MORC1: variants seen among roughly 807,000 people sequenced by gnomAD.
MORC1 encodes the protein MORC family CW-type zinc finger 1, also known as MORC family CW-type zinc finger protein 1.
A neutral mutation model predicts 134.9 loss-of-function variants in MORC1; 59 were observed. The ratio of observed to expected loss-of-function variants is 0.44; its 90% confidence interval spans 0.35 to 0.54. The LOEUF (loss-of-function observed/expected upper bound fraction) is 0.54, where lower values mean the gene tolerates loss of function less well. MORC1 is among the 20% of genes least tolerant of loss of function. The pLI is 0.00. For missense variants in MORC1, 947 were observed against 1,134.5 expected (o/e 0.83, Z 2.37); for synonymous variants, 395 against 391.7 (o/e 1.01, Z -0.10).
chr3:108,986,992 G>T (rs1947912320), intron 21 of MORC1, 43 bp from the exon 22 acceptor site: 1 of 1,433,886 alleles, frequency 7.0e-7, no homozygotes, highest in Non-Finnish European at 9.4e-7. Flanking sequence ...AAAAACATAG[G>T]ACATATTATA....
chr3:109,112,370 T>C (rs1377556713), intron 2 of MORC1, among the ~76,000 whole-genome samples: 1 of 152,194 alleles, frequency 6.6e-6, no homozygotes, highest in Non-Finnish European at 1.5e-5. Flanking sequence ...CATTAAAATA[T>C]TGAATACAAT....
chr3:108,984,184 G>A (rs958822574), intron 23 of MORC1, among the ~76,000 whole-genome samples: 1 of 152,108 alleles, frequency 6.6e-6, no homozygotes, highest in African/African-American at 2.4e-5. Context: ...TGAATGCCTG[G>A]AAAGCAGCTT....
At position 109,062,859 on chromosome 3, in the gene MORC1, G is replaced by C. The variant is rs1233021987; in HGVS notation, c.895+293C>G. On this transcript the variant is annotated intron_variant, in intron 10 of 27. Transcript: ENST00000232603. ...CCCATCTTGTCCTCCCAAAGTGCTT[G>C]AATTATAGGTGTGAGCCACCATGCC... Among the ~76,000 whole-genome samples the C allele has an allele frequency of 2.0e-5, 3 of 152,148 alleles. No individual in the cohort carries two copies. In the East Asian group the frequency reaches 5.8e-4, roughly 29 times the overall value.
intron 26 of MORC1, among the ~76,000 whole-genome samples, chr3:108,967,855 G>A (rs1036912839): frequency 6.6e-6 from 1 of 151,920 alleles, no homozygotes; most frequent in Non-Finnish European, 1.5e-5. Context: ...AATAGAGGGG[G>A]TGGGCAAAAA....
At chr3:109,028,624 A>C (rs1949152548) in intron 16 of MORC1, among the ~76,000 whole-genome samples, 1 of 152,202 alleles carries the variant, frequency 6.6e-6, no homozygotes, top group Non-Finnish European at 1.5e-5. Context: ...AAAAAATACT[A>C]ATAACCCTCA....
intron 17 of MORC1, among the ~76,000 whole-genome samples, chr3:109,021,415 CA>C (rs1163639767): frequency 6.6e-6 from 1 of 152,198 alleles, no homozygotes; most frequent in Non-Finnish European, 1.5e-5. Context: ...CACTGACTAG[CA>C]TGCAAACAGA....
chr3:109,111,121 T>G (rs962219214), intron 2 of MORC1, among the ~76,000 whole-genome samples: 3 of 150,698 alleles, frequency 2.0e-5, no homozygotes, highest in African/African-American at 7.3e-5. Flanking sequence ...TTTTTCATAT[T>G]TTAGTTCAAA....
At chr3:109,056,240 T>C (rs1226688279) in intron 13 of MORC1, among the ~76,000 whole-genome samples, 1 of 152,146 alleles carries the variant, frequency 6.6e-6, no homozygotes, top group Non-Finnish European at 1.5e-5. Flanking sequence ...TATTTATTTA[T>C]TTTTTGAGAC....
intron 6 of MORC1, among the ~76,000 whole-genome samples, chr3:109,098,280 T>TAG (rs1325523416): frequency 1.3e-5 from 2 of 152,166 alleles, no homozygotes; most frequent in East Asian, 3.9e-4. Context: ...TTGCTGTTTT[T>TAG]AGTTTTTTTT....
intron 14 of MORC1, among the ~76,000 whole-genome samples, chr3:109,040,949 A>G (rs1361480458): frequency 6.6e-6 from 1 of 152,006 alleles, no homozygotes; most frequent in African/African-American, 2.4e-5. Flanking sequence ...GAAATTATGG[A>G]GCTGAAAAAA....
At chr3:109,104,866 A>C (rs1042517411) in intron 3 of MORC1, among the ~76,000 whole-genome samples, 1 of 149,188 alleles carries the variant, frequency 6.7e-6, no homozygotes, top group Admixed American at 6.7e-5. Flanking sequence ...GACAAATTTT[A>C]ACACACACAC....
At position 109,057,404 on chromosome 3, in the gene MORC1, T is replaced by C. The variant is rs1245355069; in HGVS notation, c.1114A>G (p.Ser372Gly). 2 of 1,612,460 alleles carry C rather than the reference T, an allele frequency of 1.2e-6. No homozygotes were observed. Among genetic ancestry groups the C allele is most frequent in the Admixed American group, 3.3e-5 (2 of 59,810 alleles). Reference protein sequence around the residue: ...NRSQAGMFIYSNNRLIKMHEK... With the variant: ...NRSQAGMFIYGNNRLIKMHEK... The stretch of plus-strand genomic sequence containing the variant: ...TGCATTTTGATCAAACGGTTATTAC[T>C]GTAAATGAACATTCCAGCTTGGCTT... The change falls in exon 13 of 28, where the codon AGT becomes GGT. Residue 372 changes from serine to glycine, a missense_variant. Coordinates refer to ENST00000232603, the MANE Select transcript of MORC1 (RefSeq NM_014429.4).
At chr3:109,086,159 C>A (rs1017985901) in intron 8 of MORC1, among the ~76,000 whole-genome samples, 1 of 151,836 alleles carries the variant, frequency 6.6e-6, no homozygotes, top group African/African-American at 2.4e-5. Context: ...GAAATAAGAC[C>A]TACTGTTCAA....
Position 109,007,102 on chromosome 3 carries a change from A to G in MORC1, c.1705-11T>C. The G allele has an allele frequency of 6.2e-7, 1 of 1,604,806 alleles. No individual in the cohort carries two copies. The highest frequency in any genetic ancestry group is 8.5e-7 in the Non-Finnish European group (1 of 1,175,682). On this transcript the variant is annotated splice_polypyrimidine_tract_variant and intron_variant, in intron 17 of 27. Transcript: ENST00000232603. ...TGGTATAAATTGAGGCTTTATGGGAAAGCAAACCATTAAGGCAAATGTAAG... is the reference window on the plus strand; with the variant it reads ...TGGTATAAATTGAGGCTTTATGGGAGAGCAAACCATTAAGGCAAATGTAAG...
At chr3:109,069,583 A>G in intron 9 of MORC1, 49 bp downstream of exon 9, 1 of 1,494,890 alleles carries the variant, frequency 6.7e-7, no homozygotes, top group South Asian at 1.4e-5. Context: ...GAGCATATCA[A>G]TTTTATAAAT....
chr3:108,995,383 C>T (rs553794383), intron 21 of MORC1, among the ~76,000 whole-genome samples: 40 of 152,250 alleles, frequency 2.6e-4, no homozygotes, highest in Admixed American at 2.4e-3. Context: ...TTTGGAAATG[C>T]CTGAGACAGA....
chr3:108,979,747 A>G (rs1947661186), intron 23 of MORC1, 80 bp from the exon 24 acceptor site: 1 of 1,513,444 alleles, frequency 6.6e-7, no homozygotes, highest in Non-Finnish European at 9.0e-7. Context: ...AATGAGTGAA[A>G]TGTTCATATA....
intron 14 of MORC1, among the ~76,000 whole-genome samples, chr3:109,041,265 C>T (rs187110763): frequency 6.6e-6 from 1 of 150,646 alleles, no homozygotes; most frequent in African/African-American, 2.4e-5. Flanking sequence ...GAGCCGAGAT[C>T]GCGCCACTGC....
chr3:109,012,329 C>G (rs538649720), intron 17 of MORC1, among the ~76,000 whole-genome samples: 1 of 152,228 alleles, frequency 6.6e-6, no homozygotes, highest in East Asian at 1.9e-4. Flanking sequence ...ACACCAATAC[C>G]ACACTGACTT....
Sources: allele counts gnomAD v4.1 joint callset (sites outside exome capture counted in the v4.1 genomes callset), GRCh38; gene constraint gnomAD v4.1.1; transcripts MANE v1.5; gene names NCBI Gene and HGNC (gene_info 2026-07-23, HGNC 2026-07-21).